The following ATRNL1 variants were observed in gnomAD, a reference collection of about 807,000 sequenced individuals.
ATRNL1 encodes attractin like 1.
Under a neutral mutation model 182.7 loss-of-function variants are expected in ATRNL1, and 95 were observed. The ratio of observed to expected loss-of-function variants is 0.52; its 90% CI spans 0.44 to 0.62. The LOEUF is 0.62. Ranked by LOEUF, ATRNL1 falls within the 20% of genes least tolerant of loss-of-function variation. The probability of loss-of-function intolerance (pLI) is 0.00; values close to 1 mark genes in which losing one functional copy is unlikely to be tolerated. For synonymous variants in ATRNL1, 576 were observed against 568.3 expected (o/e 1.01, Z -0.19); for missense variants, 1,471 against 1,679.5 (o/e 0.88, Z 2.17).
intron 7 of ATRNL1, among the ~76,000 whole-genome samples, chr10:115,165,958 A>T (rs988708458): frequency 1.3e-5 from 2 of 152,148 alleles, no homozygotes; most frequent in Non-Finnish European, 1.5e-5. Context: ...TTAAGTATAG[A>T]GTTCAGTGGC....
At chr10:115,619,799 A>AT (rs1555022093) in intron 26 of ATRNL1, among the ~76,000 whole-genome samples, 1 of 152,170 alleles carries the variant, frequency 6.6e-6, no homozygotes, top group Non-Finnish European at 1.5e-5. Flanking sequence ...TAACGTATTT[A>AT]TTTTTAACAA....
intron 26 of ATRNL1, among the ~76,000 whole-genome samples, chr10:115,691,851 A>C (rs548339421): frequency 4.6e-5 from 7 of 152,032 alleles, no homozygotes; most frequent in African/African-American, 1.7e-4. Context: ...TTTTGTTTAT[A>C]TTTTTTGGAT....
At chr10:115,548,261 G>A (rs1256674853) in intron 25 of ATRNL1, among the ~76,000 whole-genome samples, 2 of 152,234 alleles carry the variant, frequency 1.3e-5, no homozygotes, top group African/African-American at 2.4e-5. Context: ...AATGTGCGCA[G>A]CACTCAATGG....
At chr10:115,156,440 C>G (rs11197091) in intron 5 of ATRNL1, among the ~76,000 whole-genome samples, 32,070 of 151,914 alleles carry the variant, frequency 0.21, 4,342 homozygotes, top group Non-Finnish European at 0.3. Flanking sequence ...CTATAGATAT[C>G]CAAGTGGAAA....
At chr10:115,669,124 A>C (rs112379735) in intron 26 of ATRNL1, among the ~76,000 whole-genome samples, 5 of 152,142 alleles carry the variant, frequency 3.3e-5, no homozygotes, top group African/African-American at 1.2e-4. Context: ...TTCTGCTTAA[A>C]GAAATACAAG....
chr10:115,342,342 G>A (rs1402283532), intron 19 of ATRNL1, among the ~76,000 whole-genome samples: 1 of 143,338 alleles, frequency 7.0e-6, no homozygotes. Context: ...TTTATTTTTT[G>A]TGTATCCATT....
At chr10:115,739,284 T>C (rs1948071524) in intron 27 of ATRNL1, among the ~76,000 whole-genome samples, 1 of 152,314 alleles carries the variant, frequency 6.6e-6, no homozygotes, top group South Asian at 2.1e-4. Flanking sequence ...CAATCTAGCA[T>C]AAACTATTTT....
chr10:115,723,701 A>G (rs1947505629), intron 26 of ATRNL1, among the ~76,000 whole-genome samples: 1 of 152,002 alleles, frequency 6.6e-6, no homozygotes, highest in African/African-American at 2.4e-5. Context: ...GGCATGTGCC[A>G]CCATGCCTGG....
In ATRNL1 at chr10:115,283,002, A is replaced by T. The variant is rs183989536; in HGVS notation, c.2233+1515A>T. ...CTACCCCCACTTTTTTTTTAAAGAA[A>T]AGTTTCTGAGCCTATTTAATTCTAA... On this transcript the variant is annotated intron_variant, in intron 14 of 28. Coordinates refer to ENST00000355044, the MANE Select transcript of ATRNL1 (RefSeq NM_207303.4). Among the ~76,000 whole-genome samples, 19 of 152,096 alleles carry T rather than the reference A, an allele frequency of 1.2e-4. 1 individual carries two copies. Among genetic ancestry groups the T allele is most frequent in the Admixed American group, 1.1e-3 (17 of 15,256 alleles).
At chr10:115,235,926 T>C (rs1279696891) in intron 9 of ATRNL1, among the ~76,000 whole-genome samples, 2 of 152,130 alleles carry the variant, frequency 1.3e-5, no homozygotes, top group Admixed American at 6.6e-5. Flanking sequence ...AGTGCTTATA[T>C]TTCATTATTC....
At chr10:115,213,773 A>G (rs961722119) in intron 8 of ATRNL1, among the ~76,000 whole-genome samples, 1 of 152,100 alleles carries the variant, frequency 6.6e-6, no homozygotes, top group Admixed American at 6.6e-5. Context: ...ATTATTATTA[A>G]ATGAGATAAT....
intron 19 of ATRNL1, among the ~76,000 whole-genome samples, chr10:115,385,416 C>A (rs1348209425): frequency 2.0e-5 from 3 of 151,964 alleles, no homozygotes; most frequent in African/African-American, 7.2e-5. Context: ...GGCTATTTTT[C>A]TTCTTTCTGT....
intron 5 of ATRNL1, among the ~76,000 whole-genome samples, chr10:115,151,254 G>A (rs1846213589): frequency 6.6e-6 from 1 of 152,186 alleles, no homozygotes; most frequent in Non-Finnish European, 1.5e-5. Context: ...GAATGGCTGG[G>A]TCAAATGGTA....
At position 115,701,112 on chromosome 10, in the gene ATRNL1, A is replaced by G. The variant is rs186074957; in HGVS notation, c.3796-26136A>G. Among the ~76,000 whole-genome samples, 124 of 152,130 alleles carry G rather than the reference A, an allele frequency of 8.2e-4. 1 individual carries two copies. The highest frequency in any genetic ancestry group is 2.7e-3 in the African/African-American group (112 of 41,560). ...TGAAAATATAACAACCATACCCTCA[A>G]TCCACATTGGAATAAAAGTAGAAAT... On this transcript the variant is annotated intron_variant, in intron 26 of 28. Transcript: ENST00000355044.
At chr10:115,682,266 T>C (rs1946070828) in intron 26 of ATRNL1, among the ~76,000 whole-genome samples, 2 of 152,110 alleles carry the variant, frequency 1.3e-5, no homozygotes, top group Admixed American at 6.5e-5. Flanking sequence ...GGGCCAGGCA[T>C]GGTGGCTCAC....
chr10:115,807,882 G>A (rs1018884147), intron 27 of ATRNL1, among the ~76,000 whole-genome samples: 11 of 152,156 alleles, frequency 7.2e-5, no homozygotes, highest in East Asian at 1.9e-4. Flanking sequence ...TCATCTGAGC[G>A]TGTCTTGTTA....
At chr10:115,674,147 A>G (rs714849) in intron 26 of ATRNL1, among the ~76,000 whole-genome samples, 50,357 of 151,924 alleles carry the variant, frequency 0.33, 9,395 homozygotes, top group East Asian at 0.58. Flanking sequence ...CTTACCAAAT[A>G]TTCTATGCAC....
chr10:115,739,647 C>T (rs1424504280), intron 27 of ATRNL1, among the ~76,000 whole-genome samples: 1 of 152,124 alleles, frequency 6.6e-6, no homozygotes, highest in South Asian at 2.1e-4. Flanking sequence ...AACATTAACA[C>T]AAAAGTAGTA....
At chr10:115,455,907 G>A (rs1565062936) in intron 21 of ATRNL1, among the ~76,000 whole-genome samples, 1 of 152,170 alleles carries the variant, frequency 6.6e-6, no homozygotes, top group Non-Finnish European at 1.5e-5. Context: ...CTGGTGATTA[G>A]AGAAATGCAA....
Sources: allele counts gnomAD v4.1 joint callset (sites outside exome capture counted in the v4.1 genomes callset), GRCh38; gene constraint gnomAD v4.1.1; transcripts MANE v1.5; gene names NCBI Gene and HGNC (gene_info 2026-07-23, HGNC 2026-07-21).